Variants in CNTN5 observed in about 807,000 individuals in gnomAD.
CNTN5 encodes contactin-5.
In CNTN5, 77 loss-of-function variants were observed where a neutral mutation model predicts 129.1. The ratio of observed to expected loss-of-function variants is 0.60; its 90% confidence interval spans 0.50 to 0.72. The LOEUF (loss-of-function observed/expected upper bound fraction) is 0.72. CNTN5 is among the 30% of genes least tolerant of loss of function. The pLI is 0.00. For missense variants in CNTN5, 1,478 were observed against 1,328.8 expected (o/e 1.11, Z -1.75); for synonymous variants, 509 against 465.6 (o/e 1.09, Z -1.20).
rs142707233 is a variant in CNTN5, at chr11:99,146,693, A to G, written c.-210+125423A>G. 7.9e-3 allele frequency among the ~76,000 whole-genome samples: 1,196 copies of G among 152,274 alleles called. 6 individuals carry two copies. The highest frequency in any genetic ancestry group is 0.013 in the Non-Finnish European group (891 of 68,004). On this transcript the variant is annotated intron_variant, in intron 1 of 24. Coordinates refer to ENST00000524871, the MANE Select transcript of CNTN5 (RefSeq NM_014361.4). Reference sequence around the variant, plus strand: ...CTCCATGAAATGTCCATATTTATTTACAATGAGAGAACTTTAAAGAGAAAG... The same window carrying G: ...CTCCATGAAATGTCCATATTTATTTGCAATGAGAGAACTTTAAAGAGAAAG...
At chr11:99,578,791 C>T (rs1949460489) in intron 3 of CNTN5, among the ~76,000 whole-genome samples, 1 of 152,154 alleles carries the variant, frequency 6.6e-6, no homozygotes, top group African/African-American at 2.4e-5. Flanking sequence ...CCTGTTCATT[C>T]TGATAGTGGT....
intron 9 of CNTN5, among the ~76,000 whole-genome samples, chr11:100,015,125 A>C (rs976833439): frequency 1.3e-5 from 2 of 152,190 alleles, no homozygotes; most frequent in Non-Finnish European, 2.9e-5. Flanking sequence ...TCAATGTAAT[A>C]GGTATATATA....
intron 1 of CNTN5, among the ~76,000 whole-genome samples, chr11:99,222,927 T>C (rs1407781512): frequency 6.6e-6 from 1 of 152,186 alleles, no homozygotes; most frequent in Admixed American, 6.6e-5. Context: ...ACAAAAATGA[T>C]TCTATTCCCT....
intron 1 of CNTN5, among the ~76,000 whole-genome samples, chr11:99,292,483 CT>C (rs969883467): frequency 2.6e-5 from 4 of 151,948 alleles, no homozygotes; most frequent in African/African-American, 9.7e-5. Context: ...TCGAATTGCT[CT>C]GGCTAGGACT....
At chr11:99,934,014 C>A (rs1175751247) in intron 7 of CNTN5, among the ~76,000 whole-genome samples, 3 of 152,204 alleles carry the variant, frequency 2.0e-5, no homozygotes, top group East Asian at 1.9e-4. Flanking sequence ...CTTGTTATTA[C>A]CCTTTATGTT....
In CNTN5 at chr11:99,516,477, A is replaced by C. The variant is rs542653556; in HGVS notation, c.-70-39668A>C. ...CACTTTTCAGGTTCTTCTCTTTTTG[A>C]AAAGTGAGTTGGTCAACAAAATGAA... On this transcript the variant is annotated intron_variant, in intron 2 of 24. Transcript: ENST00000524871. Among the ~76,000 whole-genome samples, 55 of 152,166 alleles carry C rather than the reference A, an allele frequency of 3.6e-4. No individual in the cohort carries two copies. The East Asian group carries it at 6.0e-3, about 17-fold the overall frequency.
At chr11:99,368,803 C>A (rs575479747) in intron 2 of CNTN5, among the ~76,000 whole-genome samples, 2 of 152,064 alleles carry the variant, frequency 1.3e-5, no homozygotes, top group East Asian at 3.9e-4. Flanking sequence ...ATTAAACAGG[C>A]GACGAAGAAT....
intron 21 of CNTN5, among the ~76,000 whole-genome samples, chr11:100,333,061 GATAA>G (rs1382417677): frequency 6.6e-6 from 1 of 151,956 alleles, no homozygotes; most frequent in African/African-American, 2.4e-5. Flanking sequence ...TCCTAGAACG[GATAA>G]ATGAATTCAT....
chr11:99,535,500 C>G (rs891400272), intron 2 of CNTN5, among the ~76,000 whole-genome samples: 7 of 152,104 alleles, frequency 4.6e-5, no homozygotes, highest in African/African-American at 1.7e-4. Context: ...CCAAAATCTA[C>G]TTGGATCCCA....
chr11:99,298,804 C>A lies in CNTN5; in HGVS notation c.-209-26542C>A, dbSNP rs577290569. 1.4e-3 allele frequency among the ~76,000 whole-genome samples: 207 copies of A among 152,196 alleles called. 1 individual carries two copies. Among genetic ancestry groups the A allele is most frequent in the African/African-American group, 4.6e-3 (193 of 41,522 alleles). On this transcript the variant is annotated intron_variant, in intron 1 of 24. Transcript: ENST00000524871. ...CTCAAAAGACACCTCTGACCAGAAA[C>A]ATTCCAACCCTGAGATAAACCCCCC...
chr11:99,905,544 C>G (rs978741292), intron 6 of CNTN5, among the ~76,000 whole-genome samples: 1 of 152,080 alleles, frequency 6.6e-6, no homozygotes, highest in Admixed American at 6.6e-5. Flanking sequence ...TTACTGTAGC[C>G]TTGTAGTATA....
chr11:99,957,066 G>A, intron 8 of CNTN5, 57 bp downstream of exon 8: 1 of 1,405,442 alleles, frequency 7.1e-7, no homozygotes. Context: ...AAATAAAGAT[G>A]TATTAGTGTG....
intron 3 of CNTN5, among the ~76,000 whole-genome samples, chr11:99,567,592 A>T (rs1018005459): frequency 6.6e-6 from 1 of 152,146 alleles, no homozygotes; most frequent in Non-Finnish European, 1.5e-5. Context: ...TCCAAAGGAA[A>T]ATGAAAATAG....
At chr11:99,076,771 C>A (rs1865593858) in intron 1 of CNTN5, among the ~76,000 whole-genome samples, 1 of 151,990 alleles carries the variant, frequency 6.6e-6, no homozygotes, top group Admixed American at 6.6e-5. Context: ...TTTGGAAAAT[C>A]AATCTTATTT....
chr11:99,891,048 T>G (rs1949045682), intron 6 of CNTN5, among the ~76,000 whole-genome samples: 1 of 152,112 alleles, frequency 6.6e-6, no homozygotes, highest in South Asian at 2.1e-4. Context: ...GAAAAAGACA[T>G]GACAACAATG....
chr11:99,744,849 G>C (rs1354842459), intron 3 of CNTN5, among the ~76,000 whole-genome samples: 1 of 152,070 alleles, frequency 6.6e-6, no homozygotes, highest in Non-Finnish European at 1.5e-5. Flanking sequence ...ACTATGTAGG[G>C]AAAGAGAAGA....
At chr11:100,030,215 G>A (rs201963025) in intron 9 of CNTN5, among the ~76,000 whole-genome samples, 1 of 150,360 alleles carries the variant, frequency 6.7e-6, no homozygotes, top group Non-Finnish European at 1.5e-5. Flanking sequence ...TCTCTAAAAA[G>A]AAAAAAAAAA....
chr11:100,127,095 A>ATTTTTTTTTT (rs5794039), intron 13 of CNTN5, among the ~76,000 whole-genome samples: 1 of 85,610 alleles, frequency 1.2e-5, no homozygotes, highest in African/African-American at 4.6e-5. Context: ...TGCGCAGCTA[A>ATTTTTTTTTT]TTTTTTTTTT....
chr11:99,639,209 C>T (rs1361588182), intron 3 of CNTN5, among the ~76,000 whole-genome samples: 1 of 152,180 alleles, frequency 6.6e-6, no homozygotes, highest in East Asian at 1.9e-4. Context: ...GCCTTTTCAG[C>T]CACACCTGGA....
Sources: allele counts gnomAD v4.1 joint callset (sites outside exome capture counted in the v4.1 genomes callset), GRCh38; gene constraint gnomAD v4.1.1; transcripts MANE v1.5; gene names NCBI Gene and HGNC (gene_info 2026-07-23, HGNC 2026-07-21).